SETD1B: variants seen among roughly 807,000 people sequenced by gnomAD.
SETD1B encodes the protein SET domain containing 1B, histone lysine methyltransferase, also known as histone-lysine N-methyltransferase SETD1B.
SETD1B carries 7 observed loss-of-function variants against 148.0 expected under a neutral mutation model. The ratio of observed to expected loss-of-function variants is 0.05; its 90% CI spans 0.03 to 0.09. The LOEUF (loss-of-function observed/expected upper bound fraction) is 0.09. Ranked by LOEUF, SETD1B falls within the 10% of genes least tolerant of loss-of-function variation. The probability of loss-of-function intolerance (pLI) is 1.00; values close to 1 mark genes in which losing one functional copy is unlikely to be tolerated. For missense variants in SETD1B, 2,155 were observed against 2,729.9 expected (o/e 0.79, Z 4.69); for synonymous variants, 1,361 against 1,186.5 (o/e 1.15, Z -3.02).
At chr12:121,806,745 TAA>T (rs772201939) in intron 4 of SETD1B, among the ~76,000 whole-genome samples, 6 of 152,272 alleles carry the variant, frequency 3.9e-5, no homozygotes, top group Non-Finnish European at 7.4e-5. Context: ...TCCTCTCTCT[TAA>T]AGAGACCGCA....
the SETD1B span, among the ~76,000 whole-genome samples, chr12:121,791,259 G>A: frequency 6.6e-6 from 1 of 152,156 alleles, no homozygotes; most frequent in Non-Finnish European, 1.5e-5. Flanking sequence ...CCGAGTAGCT[G>A]GGATTACAGG....
At chr12:121,824,941 C>T (rs186543891) in intron 12 of SETD1B, among the ~76,000 whole-genome samples, 32 of 150,414 alleles carry the variant, frequency 2.1e-4, no homozygotes, top group Non-Finnish European at 3.8e-4. Flanking sequence ...TGAGATTGCA[C>T]CACTGCACTC....
Position 121,808,077 on chromosome 12 carries a change from C to A in SETD1B, c.545-131C>A. ...GGTGCAGAGGGGTGGGAACTCAGGG[C>A]CACACAGCCTCCCTAGGACTGGGGT... is the stretch of plus-strand genomic sequence containing the variant. On this transcript the variant is annotated intron_variant, in intron 4 of 16. Transcript: ENST00000604567. This position sits in a 1 kb window ranked among gnomAD's most constrained non-coding sequence, Gnocchi z 5.3. 1 of 648,998 alleles carries A rather than the reference C, an allele frequency of 1.5e-6. No homozygotes were observed. Among genetic ancestry groups the A allele is most frequent in the Non-Finnish European group, 2.7e-6 (1 of 369,990 alleles). The allele number at this position is 648,998 out of a possible 1,614,324, so 40.2% of individuals were successfully genotyped here.
In SETD1B at chr12:121,810,313, C is replaced by T. The variant is rs1239582358; in HGVS notation, c.1368C>T (p.Pro456=). The T allele has an allele frequency of 6.5e-7, 1 of 1,544,028 alleles. No individual in the cohort carries two copies. The highest frequency in any genetic ancestry group is 2.4e-5 in the East Asian group (1 of 40,886). The stretch of plus-strand genomic sequence containing the variant: ...CAGGCACGCCACCCGGCCCGCCGCC[C>T]CCCGACACCAACAGCATGGAGCTGG... ...EKPGTPPGPP[P]PDTNSMELGG... is the part of the protein sequence containing the mutation. Residue 456 remains proline (P), a synonymous_variant, in exon 6 of 17, where the codon CCC becomes CCT. Transcript: ENST00000604567. The surrounding 1 kb of genome is among the most constrained non-coding windows in gnomAD (Gnocchi z 7.6).
intron 10 of SETD1B, 74 bp from the exon 11 acceptor site, chr12:121,819,330 A>G: frequency 3.9e-6 from 6 of 1,536,226 alleles, no homozygotes; most frequent in Non-Finnish European, 3.5e-6. Context: ...GTTTGAGGCC[A>G]TTGGTGAGGG....
chr12:121,790,167 C>T, the SETD1B span, among the ~76,000 whole-genome samples: 1 of 152,244 alleles, frequency 6.6e-6, no homozygotes, highest in Non-Finnish European at 1.5e-5. Flanking sequence ...ACGGGCCTTC[C>T]ACGAGGGCCC....
intron 13 of SETD1B, 120 bp from the exon 14 acceptor site, chr12:121,827,399 G>A: frequency 1.6e-6 from 2 of 1,260,878 alleles, no homozygotes; most frequent in Non-Finnish European, 2.1e-6. Context: ...GGACCGACAG[G>A]TGTGGAGAAG....
intron 14 of SETD1B, 27 bp downstream of exon 14, chr12:121,827,677 C>A: frequency 6.4e-7 from 1 of 1,551,550 alleles, no homozygotes; most frequent in South Asian, 1.2e-5. Context: ...CCCAGATCGC[C>A]GGGGTGGCGG....
intron 7 of SETD1B, 62 bp downstream of exon 7, chr12:121,814,992 G>C: frequency 7.1e-7 from 1 of 1,408,864 alleles, no homozygotes; most frequent in Non-Finnish European, 9.6e-7. Flanking sequence ...CCCCAGCCGG[G>C]CACCTCCTCT....
In SETD1B at chr12:121,804,334, G is replaced by A. The variant is rs1690241829; in HGVS notation, c.-15+101G>A. 5 of 144,692 alleles carry A rather than the reference G, an allele frequency of 3.5e-5. 1 individual carries two copies. 9.0% of individuals were successfully genotyped at this position (144,692 alleles called of 1,614,324 possible). A position where few individuals can be genotyped will look rare whatever the true frequency, so the allele number is the denominator to read the frequency against. On this transcript the variant is annotated intron_variant, in intron 1 of 16. Transcript: ENST00000604567. The surrounding 1 kb of genome is among the most constrained non-coding windows in gnomAD (Gnocchi z 4.6). ...GAGCGGGCGAGCGGGCGGGCGGGCG[G>A]CGGCGCCGCCAGGCCCTGCCGCCAG... is the stretch of plus-strand genomic sequence containing the variant.
In SETD1B at chr12:121,814,602, C is replaced by A. The variant is rs1266975755; in HGVS notation, c.2387C>A (p.Pro796His). Residue 796 changes from proline (P) to histidine (H), a missense_variant, in exon 7 of 17, where the codon CCC becomes CAC. By Grantham distance (77) the Pro-to-His change is moderately conservative. Around this residue, in one of 11 missense-constraint regions of SETD1B, gnomAD observed 289 missense variants for 423.7 expected, o/e 0.68. Transcript: ENST00000604567. ...GGCCAGGGCGCCTGCCCCTACCCGC[C>A]CTTCATGGCCGCTGCGGCCGCCGCT... ...MTGQGACPYP[P>H]FMAAAAAAAS... The A allele has an allele frequency of 7.8e-6, 12 of 1,537,830 alleles. No homozygotes were observed. Among genetic ancestry groups the A allele is most frequent in the Non-Finnish European group, 1.1e-5 (12 of 1,138,930 alleles).
At position 121,810,382 on chromosome 12, in the gene SETD1B, C is replaced by G; in HGVS notation, c.1437C>G (p.Ser479Arg). The change falls in exon 6 of 17, where the codon AGC (serine) becomes AGG (arginine). Residue 479 changes from serine to arginine, a missense_variant. Physicochemically the swap from Ser to Arg is moderately radical, Grantham distance 110. Coordinates refer to ENST00000604567, the MANE Select transcript of SETD1B (RefSeq NM_001353345.2). This position sits in a 1 kb window ranked among gnomAD's most constrained non-coding sequence, Gnocchi z 7.6. Reference protein sequence around the residue: ...TFGWSPEPCDSPGTPTLESSP... With the variant: ...TFGWSPEPCDRPGTPTLESSP... Reference sequence around the variant, plus strand: ...GCTGGAGTCCTGAGCCCTGTGACAGCCCTGGCACGCCCACGCTGGAGTCGT... The same window carrying G: ...GCTGGAGTCCTGAGCCCTGTGACAGGCCTGGCACGCCCACGCTGGAGTCGT... 1 of 1,548,430 alleles carries G rather than the reference C, an allele frequency of 6.5e-7. No homozygotes were observed. The highest frequency in any genetic ancestry group is 1.2e-5 in the South Asian group (1 of 84,054).
At chr12:121,818,043 G>A (rs1876384237) in intron 10 of SETD1B, 139 bp downstream of exon 10, 2 of 798,340 alleles carry the variant, frequency 2.5e-6, no homozygotes, top group Non-Finnish European at 3.9e-6. Flanking sequence ...ACACACACAG[G>A]GTGGCGTACG....
At chr12:121,793,564 T>C in the SETD1B span, 4 of 1,552,084 alleles carry the variant, frequency 2.6e-6, no homozygotes, top group African/African-American at 1.4e-5. Flanking sequence ...TCGCCCACGA[T>C]CACGATCTTC....
upstream of SETD1B, chr12:121,799,479 G>A (rs1875187187): frequency 1.3e-5 from 2 of 152,280 alleles, no homozygotes; most frequent in African/African-American, 2.4e-5. Flanking sequence ...GCGGCTGGAG[G>A]GAAGGCCACA....
intron 13 of SETD1B, 118 bp downstream of exon 13, chr12:121,825,484 A>C: frequency 2.3e-6 from 2 of 858,538 alleles, no homozygotes; most frequent in Non-Finnish European, 1.7e-6. Context: ...GGGCTGGCAC[A>C]CAGAGGGTGC....
At chr12:121,798,282 C>T in the SETD1B span, among the ~76,000 whole-genome samples, 1 of 152,222 alleles carries the variant, frequency 6.6e-6, no homozygotes, top group East Asian at 1.9e-4. Context: ...TGGGGAAAGG[C>T]CTGCAGCTGG....
In SETD1B at chr12:121,809,927, C is replaced by T. The variant is rs1382297475; in HGVS notation, c.982C>T (p.His328Tyr). The T allele has an allele frequency of 3.9e-6, 6 of 1,551,134 alleles. No individual in the cohort carries two copies. Among genetic ancestry groups the T allele is most frequent in the Non-Finnish European group, 5.2e-6 (6 of 1,146,988 alleles). Residue 328 changes from histidine to tyrosine, a missense_variant, in exon 6 of 17, where the codon CAT becomes TAT. By Grantham distance (83) the His-to-Tyr change is moderately conservative (BLOSUM62 2). This residue lies in a region of SETD1B where 376 missense variants were observed against 385.0 expected (regional missense o/e 0.98). Transcript: ENST00000604567. ...TDAYNRRHEH[H>Y]YVHNSPAVTA... Reference sequence around the variant, plus strand: ...CGCCTACAACCGCCGCCACGAACATCATTATGTACACAATTCTCCCGCGGT... The same window carrying T: ...CGCCTACAACCGCCGCCACGAACATTATTATGTACACAATTCTCCCGCGGT...
rs139757414 is a variant in SETD1B, at chr12:121,808,990, C to G, written c.658-613C>G. Among the ~76,000 whole-genome samples, 225 of 152,326 alleles carry G rather than the reference C, an allele frequency of 1.5e-3. 1 individual carries two copies. The highest frequency in any genetic ancestry group is 0.01 in the Middle Eastern group (3 of 294). On this transcript the variant is annotated intron_variant, in intron 5 of 16. Coordinates refer to ENST00000604567, the MANE Select transcript of SETD1B (RefSeq NM_001353345.2). This position sits in a 1 kb window ranked among gnomAD's most constrained non-coding sequence, Gnocchi z 5.3. ...GCTCAAGTGATTCTCTTGCCTCAGC[C>G]TCCTGAGTAGCTGGGATTACAGGCA...
Sources: gnomAD v4.1 joint callset for allele counts (sites outside exome capture counted in the v4.1 genomes callset) on GRCh38, gnomAD v4.1.1 for gene constraint, gnomAD v4.1.1 regional missense constraint, Gnocchi (gnomAD v3.1) non-coding constraint, MANE v1.5 for transcripts, NCBI Gene and HGNC (gene_info 2026-07-23, HGNC 2026-07-21) for gene names.